The following ACIN1 variants were observed in gnomAD, a reference collection of about 807,000 sequenced individuals.
The protein encoded by ACIN1 is apoptotic chromatin condensation inducer in the nucleus.
ACIN1 carries 16 observed loss-of-function variants against 146.6 expected under a neutral mutation model. The observed-to-expected ratio is 0.11, with a 90% confidence interval of 0.07 to 0.17. The LOEUF is 0.17. Among genes scored for constraint, ACIN1 ranks in the 10% least tolerant of loss-of-function variants. ACIN1 has a pLI of 1.00. For synonymous variants in ACIN1, 569 were observed against 582.7 expected, an observed-to-expected ratio of 0.98 and a Z score of 0.34; for missense variants, 1,357 against 1,609.3, an observed-to-expected ratio of 0.84 and a Z score of 2.68.
chr14:23,094,774 C>A, intron 1 of ACIN1: 1 of 848,844 alleles, frequency 1.2e-6, no homozygotes, highest in Admixed American at 2.9e-5. Flanking sequence ...TGGGCTCGCG[C>A]TGCTGCCGTT....
chr14:23,069,890 A>C (rs1471391022), intron 8 of ACIN1, among the ~76,000 whole-genome samples: 2 of 152,174 alleles, frequency 1.3e-5, no homozygotes, highest in Non-Finnish European at 2.9e-5. Flanking sequence ...TTAGGACTCC[A>C]ACTATTCTCA....
chr14:23,079,076 G>A, intron 6 of ACIN1, 38 bp from the exon 7 acceptor site: 1 of 1,573,494 alleles, frequency 6.4e-7, no homozygotes, highest in Non-Finnish European at 8.7e-7. Flanking sequence ...GAAAATTATT[G>A]TATATGGTAT....
intron 8 of ACIN1, among the ~76,000 whole-genome samples, chr14:23,069,996 T>G (rs2140068199): frequency 6.6e-6 from 1 of 152,282 alleles, no homozygotes; most frequent in East Asian, 1.9e-4. Context: ...CACAACCCTG[T>G]GGCCTCAGTC....
rs1287036135 is a variant in ACIN1, at chr14:23,067,984, T to G, written c.2265+1492A>C. The G allele has an allele frequency of 1.0e-6, 1 of 985,684 alleles. No individual in the cohort carries two copies. The highest frequency in any genetic ancestry group is 1.7e-5 in the African/African-American group (1 of 57,200). The allele number at this position is 985,684 out of a possible 1,614,324, so 61.1% of individuals were successfully genotyped here. ...ACTCCAGCTGAGACAGTGGTTCCAG[T>G]CAGGTGGATGAAATGAGTCCCTGCC... On this transcript the variant is annotated intron_variant, in intron 9 of 18. Transcript: ENST00000605057. The surrounding 1 kb of genome is among the most constrained non-coding windows in gnomAD (Gnocchi z 4.6).
Position 23,095,117 on chromosome 14 carries a change from C to T in ACIN1, c.-5G>A, listed in dbSNP as rs1594796563. On this transcript the variant is annotated 5_prime_UTR_variant, in exon 1 of 19. Coordinates refer to ENST00000605057, the MANE Select transcript of ACIN1 (RefSeq NM_001386863.1). ...CACCTCCTCCAGCTCCGCCATCTTGCGTGAGGTACTCGGGTCCGTCCCGAC... is the reference window on the plus strand; with the variant it reads ...CACCTCCTCCAGCTCCGCCATCTTGTGTGAGGTACTCGGGTCCGTCCCGAC... 6.2e-7 allele frequency: 1 copy of T among 1,614,156 alleles called. No individual in the cohort carries two copies. The highest frequency in any genetic ancestry group is 1.3e-5 in the African/African-American group (1 of 74,952).
At chr14:23,059,963 T>C (rs965571403) in intron 18 of ACIN1, among the ~76,000 whole-genome samples, 1 of 144,414 alleles carries the variant, frequency 6.9e-6, no homozygotes, top group African/African-American at 2.6e-5. Context: ...CCAGTTTTTT[T>C]TTTTTTTTTT....
intron 8 of ACIN1, among the ~76,000 whole-genome samples, chr14:23,071,798 GC>G: frequency 6.6e-6 from 1 of 152,110 alleles, no homozygotes; most frequent in East Asian, 1.9e-4. Context: ...AGGGGAGGGG[GC>G]TGGGTGGAGG....
chr14:23,069,037 GA>G (rs2047545168), intron 9 of ACIN1: 1 of 987,060 alleles, frequency 1.0e-6, no homozygotes, highest in South Asian at 4.7e-5. Context: ...GGCAGAGGAG[GA>G]ACAAAAATTT....
At position 23,068,475 on chromosome 14, in the gene ACIN1, C is replaced by G. The variant is rs547468137; in HGVS notation, c.2265+1001G>C. 1.0e-6 allele frequency: 1 copy of G among 985,718 alleles called. No homozygotes were observed. Among genetic ancestry groups the G allele is most frequent in the Non-Finnish European group, 1.2e-6 (1 of 829,958 alleles). The allele number at this position is 985,718 out of a possible 1,614,324, so 61.1% of individuals were successfully genotyped here. On this transcript the variant is annotated intron_variant, in intron 9 of 18. Transcript: ENST00000605057. This position sits in a 1 kb window ranked among gnomAD's most constrained non-coding sequence, Gnocchi z 4.3. ...GTTCTTCTTGGCCCCCTGATGTAAGCAAGACAGGGAGGCAAAAGGGGGCCC... is the reference window on the plus strand; with the variant it reads ...GTTCTTCTTGGCCCCCTGATGTAAGGAAGACAGGGAGGCAAAAGGGGGCCC...
At chr14:23,090,747 C>T in intron 2 of ACIN1, 114 bp from the exon 3 acceptor site, 2 of 728,678 alleles carry the variant, frequency 2.7e-6, no homozygotes, top group East Asian at 2.8e-5. Flanking sequence ...AGAAAGATAA[C>T]TAAAATGTTG....
Position 23,058,741 on chromosome 14 carries a change from G to GA in ACIN1, c.*406dup, listed in dbSNP as rs2047173549. ...GAACTGCAGGGGCCCTGGGACTCAG[G>GA]AGGAGATGCTGATTCAGCTCATAGG... On this transcript the variant is annotated 3_prime_UTR_variant, in exon 19 of 19. Coordinates refer to ENST00000605057, the MANE Select transcript of ACIN1 (RefSeq NM_001386863.1). 1 of 210,734 alleles carries GA rather than the reference G, an allele frequency of 4.7e-6. No individual in the cohort carries two copies. The highest frequency in any genetic ancestry group is 9.7e-6 in the Non-Finnish European group (1 of 103,254). The allele number at this position is 210,734 out of a possible 1,614,324, so 13.1% of individuals were successfully genotyped here.
chr14:23,067,257 A>AAAG lies in ACIN1; in HGVS notation c.2266-1250_2266-1249insCTT, dbSNP rs1202096330. On this transcript the variant is annotated intron_variant, in intron 9 of 18. Coordinates refer to ENST00000605057, the MANE Select transcript of ACIN1 (RefSeq NM_001386863.1). This position sits in a 1 kb window ranked among gnomAD's most constrained non-coding sequence, Gnocchi z 4.6. ...ATAAAATATTAAAAAAAGAAGAAGA[A>AAAG]AATAAAGAAGAAAATAAACTAGGAA... 22 of 956,212 alleles carry AAAG rather than the reference A, an allele frequency of 2.3e-5. No individual in the cohort carries two copies. In the African/African-American group the frequency reaches 3.4e-4, roughly 15 times the overall value. The allele number at this position is 956,212 out of a possible 1,614,324, so 59.2% of individuals were successfully genotyped here.
chr14:23,059,567 G>T, intron 18 of ACIN1, 93 bp from the exon 19 acceptor site: 1 of 966,690 alleles, frequency 1.0e-6, no homozygotes, highest in Non-Finnish European at 1.6e-6. Flanking sequence ...CTCAGGGTCA[G>T]CTTTTCAGTT....
intron 9 of ACIN1, 175 bp downstream of exon 9, chr14:23,069,301 A>G: frequency 7.6e-7 from 1 of 1,310,774 alleles, no homozygotes; most frequent in Non-Finnish European, 9.7e-7. Context: ...CCCCGTCACA[A>G]GGGGTCTCCC....
rs1594739491 is a variant in ACIN1 at position 23,061,424 on chromosome 14, G to A, written c.3298C>T (p.Arg1100Trp). The A allele has an allele frequency of 1.2e-6, 2 of 1,613,240 alleles. No individual in the cohort carries two copies. The highest frequency in any genetic ancestry group is 8.5e-7 in the Non-Finnish European group (1 of 1,179,900). ...TCCCATTCACGCTCTGATCGAGTCC[G>A]CTCCCGCCGCTCCATTTCCCGTTCC... ...EREREMERRE[R>W]TRSEREWDRD... The change falls in exon 17 of 19, where the codon CGG becomes TGG. Residue 1100 changes from arginine to tryptophan, a missense_variant. By Grantham distance (101) the Arg-to-Trp change is moderately radical (BLOSUM62 -3). Around this residue, in one of 4 missense-constraint regions of ACIN1, gnomAD observed 509 missense variants for 719.6 expected, o/e 0.71. Transcript: ENST00000605057.
chr14:23,083,802 G>A (rs2048013949), intron 4 of ACIN1, among the ~76,000 whole-genome samples: 1 of 152,154 alleles, frequency 6.6e-6, no homozygotes, highest in South Asian at 2.1e-4. Context: ...AAAATAGCAG[G>A]AAGATAATTA....
intron 4 of ACIN1, among the ~76,000 whole-genome samples, chr14:23,082,437 A>ATTTTTTTTTTTTTTTTTTTTTTTTTTT (rs11378976): frequency 1.0e-5 from 1 of 95,818 alleles, no homozygotes; most frequent in African/African-American, 4.0e-5. Context: ...AGAGCTCAAT[A>ATTTTTTTTTTTTTTTTTTTTTTTTTTT]TTTTTTTTTT....
At chr14:23,065,566 T>C (rs2047427111) in intron 10 of ACIN1, among the ~76,000 whole-genome samples, 1 of 152,042 alleles carries the variant, frequency 6.6e-6, no homozygotes, top group East Asian at 1.9e-4. Flanking sequence ...CAGCCTAGGG[T>C]ACTACAGAGG....
In ACIN1 at chr14:23,078,233, C is replaced by G. The variant is rs751261677; in HGVS notation, c.2041G>C (p.Glu681Gln). 2.0e-5 allele frequency: 32 copies of G among 1,614,058 alleles called. No individual in the cohort carries two copies. Among genetic ancestry groups the G allele is most frequent in the Non-Finnish European group, 2.5e-5 (30 of 1,180,028 alleles). The change falls in exon 8 of 19, where the codon GAG becomes CAG. Residue 681 changes from glutamate to glutamine, a missense_variant. Glu to Gln is a conservative substitution (Grantham distance 29). This residue lies in a region of ACIN1 where 771 missense variants were observed against 746.6 expected (regional missense o/e 1.03). Transcript: ENST00000605057. ...SPKKCEAEEA[E>Q]PPAATQPQTS... is the part of the protein sequence containing the mutation. ...TGGGGCTGTGTGGCAGCTGGTGGCT[C>G]TGCCTCTTCAGCTTCACACTTCTTT...
Sources: allele counts gnomAD v4.1 joint callset (sites outside exome capture counted in the v4.1 genomes callset), GRCh38; gene constraint gnomAD v4.1.1; regional missense constraint gnomAD v4.1.1; non-coding constraint Gnocchi (gnomAD v3.1); transcripts MANE v1.5; gene names NCBI Gene and HGNC (gene_info 2026-07-23, HGNC 2026-07-21).